TDRD3: variants seen among roughly 807,000 people sequenced by gnomAD.
TDRD3 encodes tudor domain containing 3.
A neutral mutation model predicts 86.7 loss-of-function variants in TDRD3; 45 were observed. The observed-to-expected ratio is 0.52, with a 90% CI of 0.41 to 0.67. The LOEUF is 0.67. Among genes scored for constraint, TDRD3 ranks in the 30% least tolerant of loss-of-function variants. The probability of loss-of-function intolerance (pLI) is 0.00; values close to 1 mark genes in which losing one functional copy is unlikely to be tolerated. For synonymous variants in TDRD3, 298 were observed against 301.7 expected, an observed-to-expected ratio of 0.99 and a Z score of 0.13; for missense variants, 814 against 889.0, an observed-to-expected ratio of 0.92 and a Z score of 1.07.
At chr13:60,412,626 T>G (rs994877344) in intron 1 of TDRD3, among the ~76,000 whole-genome samples, 1 of 152,156 alleles carries the variant, frequency 6.6e-6, no homozygotes, top group African/African-American at 2.4e-5. Context: ...TGTAACTTTC[T>G]TATACTTTTA....
At chr13:60,514,688 G>A (rs1170879845) in intron 10 of TDRD3, among the ~76,000 whole-genome samples, 1 of 152,188 alleles carries the variant, frequency 6.6e-6, no homozygotes, top group Non-Finnish European at 1.5e-5. Context: ...TAGAGGTAGT[G>A]CTGTGAGGAG....
intron 11 of TDRD3, among the ~76,000 whole-genome samples, chr13:60,534,467 A>G (rs1360344683): frequency 6.6e-6 from 1 of 152,206 alleles, no homozygotes; most frequent in African/African-American, 2.4e-5. Flanking sequence ...TCCTATAAAT[A>G]CTGGATCTAA....
intron 1 of TDRD3, among the ~76,000 whole-genome samples, chr13:60,412,940 G>A (rs2137834458): frequency 6.6e-6 from 1 of 152,078 alleles, no homozygotes; most frequent in Non-Finnish European, 1.5e-5. Flanking sequence ...TACTTTAAAA[G>A]TTGAAATACA....
rs773765043 is a variant in TDRD3, at chr13:60,510,646, G to A, written c.1032G>A (p.Arg344=). ...GPPLRGRGKG[R]GRIRSEDEED... is the part of the protein sequence containing the mutation. ...CATCTAAAGGTAGAGGAAAAGGCAG[G>A]GGGCGAATAAGATCTGAAGATGAAG... Residue 344 remains arginine, a synonymous_variant, in exon 10 of 14, where the codon AGG becomes AGA. Coordinates refer to ENST00000377881, the MANE Select transcript of TDRD3 (RefSeq NM_001146070.2). The A allele has an allele frequency of 6.3e-7, 1 of 1,599,948 alleles. No homozygotes were observed. The highest frequency in any genetic ancestry group is 8.5e-7 in the Non-Finnish European group (1 of 1,173,240).
intron 10 of TDRD3, among the ~76,000 whole-genome samples, chr13:60,521,464 TA>T (rs374399233): frequency 0.16 from 23,436 of 147,160 alleles, 2,011 homozygotes; most frequent in African/African-American, 0.23. Flanking sequence ...AGCTTTTTCT[TA>T]AAAAAAAAAA....
chr13:60,547,447 G>C, intron 12 of TDRD3: 1 of 982,468 alleles, frequency 1.0e-6, no homozygotes, highest in East Asian at 1.1e-4. Context: ...CAGAAGACCT[G>C]GGTTCGAGTC....
intron 6 of TDRD3, 31 bp downstream of exon 6, chr13:60,483,877 A>C (rs576795847): frequency 1.9e-6 from 3 of 1,605,834 alleles, no homozygotes; most frequent in African/African-American, 1.3e-5. Context: ...AGATGAATTT[A>C]AATTAGGAAA....
At chr13:60,567,790 C>T in intron 13 of TDRD3, 140 bp downstream of exon 13, 2 of 1,090,190 alleles carry the variant, frequency 1.8e-6, no homozygotes, top group South Asian at 1.7e-5. Flanking sequence ...GTGGCGTGAT[C>T]TCGGCTCACT....
rs79522850 is a variant in TDRD3 at position 60,453,119 on chromosome 13, T to G, written c.193-7261T>G. Reference sequence around the variant, plus strand: ...CCAAAGAAACTATGCAATACAAAAGTTTAACGATGAAGTTAAAATATATAG... The same window carrying G: ...CCAAAGAAACTATGCAATACAAAAGGTTAACGATGAAGTTAAAATATATAG... On this transcript the variant is annotated intron_variant, in intron 3 of 13. Transcript: ENST00000377881. Among the ~76,000 whole-genome samples the G allele has an allele frequency of 4.0e-3, 603 of 152,302 alleles. 1 individual carries two copies. Among genetic ancestry groups the G allele is most frequent in the Admixed American group, 6.7e-3 (103 of 15,290 alleles).
intron 12 of TDRD3, among the ~76,000 whole-genome samples, chr13:60,561,961 T>C (rs17058223): frequency 0.011 from 1,687 of 152,170 alleles, 28 homozygotes; most frequent in African/African-American, 0.038. Flanking sequence ...AAGTTCAGTA[T>C]TGATAATAAT....
intron 6 of TDRD3, 149 bp downstream of exon 6, chr13:60,483,995 GT>G (rs1015602658): frequency 4.9e-5 from 38 of 779,750 alleles, no homozygotes; most frequent in African/African-American, 9.1e-5. Flanking sequence ...TAATTTTGAG[GT>G]TTTTTTCCTT....
chr13:60,490,487 T>TATAATA (rs1956562097), intron 7 of TDRD3, among the ~76,000 whole-genome samples: 1 of 152,096 alleles, frequency 6.6e-6, no homozygotes, highest in Non-Finnish European at 1.5e-5. Context: ...GAGGTTACCT[T>TATAATA]ATGTAGGGCC....
At chr13:60,548,654 G>A (rs1957983597) in intron 12 of TDRD3, among the ~76,000 whole-genome samples, 1 of 151,984 alleles carries the variant, frequency 6.6e-6, no homozygotes, top group Non-Finnish European at 1.5e-5. Flanking sequence ...CTAAAAATTA[G>A]AGGAAAATAT....
intron 1 of TDRD3, among the ~76,000 whole-genome samples, chr13:60,432,516 G>A (rs1171018232): frequency 6.6e-6 from 1 of 152,058 alleles, no homozygotes; most frequent in Non-Finnish European, 1.5e-5. Context: ...TCTCTGACTA[G>A]GTATAGTATA....
At chr13:60,552,533 G>T (rs530453183) in intron 12 of TDRD3, among the ~76,000 whole-genome samples, 1 of 152,226 alleles carries the variant, frequency 6.6e-6, no homozygotes, top group African/African-American at 2.4e-5. Flanking sequence ...GCTATAGGTG[G>T]ATCTGCCATT....
chr13:60,572,456 A>G (rs970056523), intron 13 of TDRD3, among the ~76,000 whole-genome samples: 5 of 152,178 alleles, frequency 3.3e-5, no homozygotes, highest in Non-Finnish European at 7.3e-5. Flanking sequence ...GAGGGAAAGA[A>G]TCTAAGAAGC....
chr13:60,426,677 T>G (rs1197189413), intron 1 of TDRD3, among the ~76,000 whole-genome samples: 6 of 152,098 alleles, frequency 3.9e-5, no homozygotes, highest in Non-Finnish European at 7.4e-5. Flanking sequence ...AGACCAATGT[T>G]ATAGAAGAAA....
chr13:60,419,561 C>T (rs563171172), intron 1 of TDRD3, among the ~76,000 whole-genome samples: 29 of 152,034 alleles, frequency 1.9e-4, no homozygotes, highest in African/African-American at 6.8e-4. Context: ...TGTTCTCACT[C>T]ATAGGTGGGA....
At chr13:60,449,794 A>T in intron 3 of TDRD3, among the ~76,000 whole-genome samples, 1 of 152,036 alleles carries the variant, frequency 6.6e-6, no homozygotes, top group East Asian at 1.9e-4. Context: ...TAATTTTATT[A>T]TTTACTTTCC....
Sources: gnomAD v4.1 joint callset for allele counts (sites outside exome capture counted in the v4.1 genomes callset) on GRCh38, gnomAD v4.1.1 for gene constraint, MANE v1.5 for transcripts, NCBI Gene and HGNC (gene_info 2026-07-23, HGNC 2026-07-21) for gene names.